Variants in KLHL21 observed in about 807,000 individuals in gnomAD.
KLHL21 encodes the protein kelch like family member 21.
In KLHL21, 42 loss-of-function variants were observed where a neutral mutation model predicts 44.1. The observed-to-expected ratio is 0.95, with a 90% CI of 0.74 to 1.23. The LOEUF (loss-of-function observed/expected upper bound fraction) is 1.23, where lower values mean the gene tolerates loss of function less well. KLHL21 is among the 50% of genes most tolerant of loss of function. The pLI is 0.00. For missense variants in KLHL21, 918 were observed against 889.1 expected (o/e 1.03, Z -0.41); for synonymous variants, 524 against 411.6 (o/e 1.27, Z -3.31).
intron 2 of KLHL21, among the ~76,000 whole-genome samples, chr1:6,596,430 G>A (rs1001625097): frequency 6.6e-6 from 1 of 152,074 alleles, no homozygotes; most frequent in Non-Finnish European, 1.5e-5. Flanking sequence ...GTGAGACTTC[G>A]TCTCAAAAAC....
At position 6,602,585 on chromosome 1, in the gene KLHL21, C is replaced by A. The variant is rs773318283; in HGVS notation, c.233G>T (p.Arg78Leu). ...QLRESRAERV[R>L]LHGVPPDMLQ... is the part of the protein sequence containing the mutation. ...CATGTCGGGAGGCACTCCGTGCAGG[C>A]GCACCCGCTCGGCGCGGCTCTCGCG... The change falls in exon 1 of 4, where the codon CGC (arginine) becomes CTC (leucine). Residue 78 changes from arginine (R) to leucine (L), a missense_variant. Transcript: ENST00000377658. 64 of 1,529,288 alleles carry A rather than the reference C, an allele frequency of 4.2e-5. 3 individuals carry two copies. In the Middle Eastern group the frequency reaches 6.8e-4, roughly 16 times the overall value. 94.7% of individuals were successfully genotyped at this position (1,529,288 alleles called of 1,614,324 possible). A position where few individuals can be genotyped will look rare whatever the true frequency, so the allele number is the denominator to read the frequency against.
Position 6,591,028 on chromosome 1 carries a change from T to A in KLHL21, c.*2337A>T, listed in dbSNP as rs192973479. 9.8e-4 allele frequency: 391 copies of A among 398,658 alleles called. 1 individual carries two copies. Among genetic ancestry groups the A allele is most frequent in the African/African-American group, 7.3e-3 (354 of 48,756 alleles). The allele number at this position is 398,658 out of a possible 1,614,324, so 24.7% of individuals were successfully genotyped here. A position where few individuals can be genotyped will look rare whatever the true frequency, so the allele number is the denominator to read the frequency against. ...TGTAACATGTGGCCATGCCCAGGCA[T>A]CCCAGCATCTATCCTGAAGTCAGTG... On this transcript the variant is annotated 3_prime_UTR_variant, in exon 4 of 4. Coordinates refer to ENST00000377658, the MANE Select transcript of KLHL21 (RefSeq NM_014851.4).
rs753901054 is a variant in KLHL21, at chr1:6,593,532, C to T, written c.1627G>A (p.Val543Met). The T allele has an allele frequency of 6.2e-7, 1 of 1,613,922 alleles. No individual in the cohort carries two copies. The highest frequency in any genetic ancestry group is 1.7e-5 in the Admixed American group (1 of 60,024). ...AAGGTGGGTTCTGGGAGCCGCCCCA[C>T]CACGCTCCACGCGCGAGTCTCTGGG... ...YDPETRAWSVVGRLPEPTFWH... is the reference protein window; with the variant it reads ...YDPETRAWSVMGRLPEPTFWH... The change falls in exon 4 of 4, where the codon GTG becomes ATG. Residue 543 changes from valine to methionine, a missense_variant. Val to Met is a conservative substitution (Grantham distance 21, BLOSUM62 1). Transcript: ENST00000377658.
intron 1 of KLHL21, chr1:6,599,763 A>ATTTTTTAAT: frequency 2.7e-6 from 1 of 366,674 alleles, no homozygotes; most frequent in South Asian, 3.7e-5. Context: ...TCAGCAGACC[A>ATTTTTTAAT]GAGCCCTGGG....
In KLHL21 at chr1:6,593,254, G is replaced by A; in HGVS notation, c.*111C>T. The A allele has an allele frequency of 8.2e-7, 1 of 1,214,220 alleles. No individual in the cohort carries two copies. Among genetic ancestry groups the A allele is most frequent in the Admixed American group, 2.5e-5 (1 of 40,308 alleles). The allele number at this position is 1,214,220 out of a possible 1,614,324, so 75.2% of individuals were successfully genotyped here. A position where few individuals can be genotyped will look rare whatever the true frequency, so the allele number is the denominator to read the frequency against. On this transcript the variant is annotated 3_prime_UTR_variant, in exon 4 of 4. Transcript: ENST00000377658. ...CCTGGGCTGGCTTCGCCACCCAAGA[G>A]CCTGTGCTCCTCCTGTGAGCCCAAC...
intron 2 of KLHL21, 30 bp downstream of exon 2, chr1:6,599,017 A>G: frequency 6.5e-7 from 1 of 1,541,378 alleles, no homozygotes; most frequent in Non-Finnish European, 8.8e-7. Flanking sequence ...GACACCAAAC[A>G]CACAGTGGGG....
In KLHL21 at chr1:6,601,415, G is replaced by A. The variant is rs1045412903; in HGVS notation, c.1021+382C>T. On this transcript the variant is annotated intron_variant, in intron 1 of 3. Transcript: ENST00000377658. ...GAAATTCCCCGGCTTGTGGGGAACA[G>A]ATGCCTCACCGGGCGTCGGCCTCCT... 2.6e-5 allele frequency among the ~76,000 whole-genome samples: 4 copies of A among 152,178 alleles called. No homozygotes were observed. In the South Asian group the frequency reaches 6.2e-4, roughly 24 times the overall value.
intron 3 of KLHL21, chr1:6,593,992 T>C (rs775418086): frequency 3.7e-6 from 4 of 1,089,960 alleles, no homozygotes; most frequent in Non-Finnish European, 3.3e-6. Context: ...GTTCTCCCCA[T>C]GTTACAGATG....
rs1284603011 is a variant in KLHL21 at position 6,591,559 on chromosome 1, C to T, written c.*1806G>A. 6.6e-6 allele frequency: 1 copy of T among 152,432 alleles called. No individual in the cohort carries two copies. Among genetic ancestry groups the T allele is most frequent in the Non-Finnish European group, 1.5e-5 (1 of 68,192 alleles). 9.4% of individuals were successfully genotyped at this position (152,432 alleles called of 1,614,324 possible). A position where few individuals can be genotyped will look rare whatever the true frequency, so the allele number is the denominator to read the frequency against. On this transcript the variant is annotated 3_prime_UTR_variant, in exon 4 of 4. Coordinates refer to ENST00000377658, the MANE Select transcript of KLHL21 (RefSeq NM_014851.4). ...GGTCAGGGATTGAGGGCGTAGCCAA[C>T]CTTGTATGGCCAAACCCAGCCCTTA...
chr1:6,601,649 C>T (rs1641021132), intron 1 of KLHL21, 148 bp downstream of exon 1: 3 of 1,290,850 alleles, frequency 2.3e-6, no homozygotes, highest in Non-Finnish European at 2.0e-6. Flanking sequence ...AAAGTATCGC[C>T]CAGAGACATG....
At position 6,595,477 on chromosome 1, in the gene KLHL21, A is replaced by T; in HGVS notation, c.1500+8T>A. ...GTGCTTCCAATGCTGGCCCGCCTGAAAATTTACCTGATTCATGGACGGGAT... is the reference window on the plus strand; with the variant it reads ...GTGCTTCCAATGCTGGCCCGCCTGATAATTTACCTGATTCATGGACGGGAT... On this transcript the variant is annotated splice_region_variant and intron_variant, in intron 3 of 3. Transcript: ENST00000377658. 2.5e-6 allele frequency: 4 copies of T among 1,614,090 alleles called. No individual in the cohort carries two copies. The highest frequency in any genetic ancestry group is 3.4e-6 in the Non-Finnish European group (4 of 1,179,960).
chr1:6,602,092 C>A lies in KLHL21; in HGVS notation c.726G>T (p.Pro242=). Residue 242 remains proline (P), a synonymous_variant, in exon 1 of 4, where the codon CCG becomes CCT. Coordinates refer to ENST00000377658, the MANE Select transcript of KLHL21 (RefSeq NM_014851.4). ...GGCAGGGTGGGCAGCGCGCCACCAG[C>A]GGCTCGGCCTCGACGTGCGCCAACA... ...FYLLAHVEAE[P]LVARCPPCLR... 1 of 1,481,972 alleles carries A rather than the reference C, an allele frequency of 6.7e-7. No homozygotes were observed. The highest frequency in any genetic ancestry group is 1.3e-5 in the South Asian group (1 of 76,026). 91.8% of individuals were successfully genotyped at this position (1,481,972 alleles called of 1,614,324 possible).
rs763896854 is a variant in KLHL21 at position 6,602,374 on chromosome 1, G to T, written c.444C>A (p.Phe148Leu). ...CCGCGCTCGCCAGTCCCGAGCAGCT[G>T]AAGGCCTCAGCGAAGTCCTGCATGT... ...CLDMQDFAEA[F>L]SCSGLASAAQ... is the part of the protein sequence containing the mutation. The change falls in exon 1 of 4, where the codon TTC becomes TTA. Residue 148 changes from phenylalanine (F) to leucine (L), a missense_variant. By Grantham distance (22) the Phe-to-Leu change is conservative (BLOSUM62 0). Transcript: ENST00000377658. The T allele has an allele frequency of 6.3e-6, 10 of 1,586,906 alleles. No individual in the cohort carries two copies. The highest frequency in any genetic ancestry group is 6.0e-6 in the Non-Finnish European group (7 of 1,170,876).
At position 6,598,680 on chromosome 1, in the gene KLHL21, A is replaced by C. The variant is rs1167731947; in HGVS notation, c.1427+367T>G. 2.0e-5 allele frequency among the ~76,000 whole-genome samples: 3 copies of C among 152,268 alleles called. No individual in the cohort carries two copies. In the East Asian group the frequency reaches 5.8e-4, roughly 29 times the overall value. On this transcript the variant is annotated intron_variant, in intron 2 of 3. Transcript: ENST00000377658. ...GACCGATCATGAGGTCAGGAGATCA[A>C]GACCATCCTGGCTAACACGGTGAAA...
In KLHL21 at chr1:6,601,970, C is replaced by A; in HGVS notation, c.848G>T (p.Gly283Val). 1 of 1,557,202 alleles carries A rather than the reference C, an allele frequency of 6.4e-7. No homozygotes were observed. ...CPRMRPRPST[G>V]LAEILVLVGG... ...CACGAGCACGAGGATCTCGGCGAGA[C>A]CGGTGGACGGGCGAGGACGCATTCG... Residue 283 changes from glycine (G) to valine (V), a missense_variant, in exon 1 of 4, where the codon GGT (glycine) becomes GTT (valine). Gly to Val is a moderately radical substitution (Grantham distance 109). Coordinates refer to ENST00000377658, the MANE Select transcript of KLHL21 (RefSeq NM_014851.4).
At chr1:6,596,360 G>A (rs1159320199) in intron 2 of KLHL21, among the ~76,000 whole-genome samples, 8 of 152,242 alleles carry the variant, frequency 5.3e-5, no homozygotes, top group Non-Finnish European at 1.2e-4. Context: ...GAACCCGGGA[G>A]GCGGAGATTA....
chr1:6,598,048 G>A (rs1640951927), intron 2 of KLHL21, among the ~76,000 whole-genome samples: 1 of 152,250 alleles, frequency 6.6e-6, no homozygotes, highest in Non-Finnish European at 1.5e-5. Flanking sequence ...CTTGCTGGAA[G>A]AGCTCAACTC....
At position 6,590,757 on chromosome 1, in the gene KLHL21, G is replaced by A. The variant is rs948361841; in HGVS notation, c.*2608C>T. ...AAATACTTTTATTGCAAAAAGTACT[G>A]AAGGTACCCTAAAACCTTAAGCAGG... On this transcript the variant is annotated 3_prime_UTR_variant, in exon 4 of 4. Transcript: ENST00000377658. The A allele has an allele frequency of 4.8e-5, 19 of 393,594 alleles. No individual in the cohort carries two copies. Among genetic ancestry groups the A allele is most frequent in the African/African-American group, 3.7e-4 (18 of 48,556 alleles). 24.4% of individuals were successfully genotyped at this position (393,594 alleles called of 1,614,324 possible).
intron 3 of KLHL21, chr1:6,593,889 C>T (rs369119957): frequency 2.6e-5 from 34 of 1,304,838 alleles, no homozygotes; most frequent in Middle Eastern, 2.9e-4. Context: ...CCCGCTGCAG[C>T]GCCAGGCCTC....
Sources: allele counts gnomAD v4.1 joint callset (sites outside exome capture counted in the v4.1 genomes callset), GRCh38; gene constraint gnomAD v4.1.1; transcripts MANE v1.5; gene names NCBI Gene and HGNC (gene_info 2026-07-23, HGNC 2026-07-21).